Variants in RUNX2 observed in about 807,000 individuals in gnomAD.
The protein encoded by RUNX2 is RUNX family transcription factor 2.
In RUNX2, 10 loss-of-function variants were observed where a neutral mutation model predicts 51.7. The observed-to-expected ratio is 0.19, with a 90% CI of 0.12 to 0.33. The LOEUF is 0.33. Ranked by LOEUF, RUNX2 falls within the 10% of genes least tolerant of loss-of-function variation. The pLI is 1.00. For synonymous variants in RUNX2, 276 were observed against 273.6 expected, an observed-to-expected ratio of 1.01 and a Z score of -0.09; for missense variants, 562 against 691.3, an observed-to-expected ratio of 0.81 and a Z score of 2.10.
intron 2 of RUNX2, among the ~76,000 whole-genome samples, chr6:45,399,170 C>G (rs1797644574): frequency 1.3e-5 from 2 of 151,954 alleles, no homozygotes; most frequent in Admixed American, 1.3e-4. Context: ...TTGTTTCCTC[C>G]TCTCTTCATC....
At chr6:45,433,154 T>A (rs1798590783) in intron 4 of RUNX2, among the ~76,000 whole-genome samples, 1 of 152,170 alleles carries the variant, frequency 6.6e-6, no homozygotes, top group Non-Finnish European at 1.5e-5. Context: ...TTAAAAAAAA[T>A]GATTCATGCT....
intron 2 of RUNX2, among the ~76,000 whole-genome samples, chr6:45,383,223 C>A (rs747894947): frequency 2.6e-5 from 4 of 152,072 alleles, no homozygotes; most frequent in Non-Finnish European, 2.9e-5. Flanking sequence ...TCATTTGAGG[C>A]CGGTTCAAGA....
chr6:45,498,107 G>C (rs1411822531), intron 6 of RUNX2, among the ~76,000 whole-genome samples: 1 of 152,098 alleles, frequency 6.6e-6, no homozygotes, highest in African/African-American at 2.4e-5. Context: ...AGGAAGTAAA[G>C]GCAGCTCTCC....
intron 5 of RUNX2, among the ~76,000 whole-genome samples, chr6:45,440,880 C>G (rs1798824488): frequency 6.6e-6 from 1 of 152,114 alleles, no homozygotes; most frequent in Non-Finnish European, 1.5e-5. Flanking sequence ...TCAAAACTTT[C>G]AGATTTTGGA....
At chr6:45,353,362 C>A (rs1475342332) in intron 2 of RUNX2, among the ~76,000 whole-genome samples, 1 of 151,764 alleles carries the variant, frequency 6.6e-6, no homozygotes, top group Non-Finnish European at 1.5e-5. Context: ...AAAAGTTATG[C>A]GGATGGACTT....
intron 2 of RUNX2, among the ~76,000 whole-genome samples, chr6:45,370,124 T>C (rs894203151): frequency 5.9e-5 from 9 of 152,222 alleles, no homozygotes; most frequent in African/African-American, 9.6e-5. Flanking sequence ...ATATACTATA[T>C]GGAAGCAAGA....
chr6:45,545,312 C>A, intron 8 of RUNX2, 30 bp downstream of exon 8: 1 of 1,545,158 alleles, frequency 6.5e-7, no homozygotes, highest in African/African-American at 1.4e-5. Flanking sequence ...CTGGGCTGGG[C>A]AGGGCTGGGC....
At chr6:45,519,580 ATTCT>A (rs1801434997) in intron 7 of RUNX2, among the ~76,000 whole-genome samples, 1 of 151,738 alleles carries the variant, frequency 6.6e-6, no homozygotes, top group Admixed American at 6.6e-5. Context: ...GCAACCACAG[ATTCT>A]TTTTTTTTAA....
intron 7 of RUNX2, among the ~76,000 whole-genome samples, chr6:45,544,301 A>G (rs1384614787): frequency 6.6e-6 from 1 of 152,168 alleles, no homozygotes; most frequent in Non-Finnish European, 1.5e-5. Context: ...CTATAAACCA[A>G]AAAGGTACAG....
At chr6:45,353,356 G>A (rs1405237330) in intron 2 of RUNX2, among the ~76,000 whole-genome samples, 3 of 151,984 alleles carry the variant, frequency 2.0e-5, no homozygotes, top group Non-Finnish European at 2.9e-5. Flanking sequence ...AAAAAGAAAA[G>A]TTATGCGGAT....
At chr6:45,356,346 G>A (rs190109746) in intron 2 of RUNX2, among the ~76,000 whole-genome samples, 1 of 151,828 alleles carries the variant, frequency 6.6e-6, no homozygotes, top group East Asian at 1.9e-4. Flanking sequence ...ACACATATAT[G>A]TTAATATATG....
chr6:45,337,272 C>T (rs1788766950), intron 2 of RUNX2, among the ~76,000 whole-genome samples: 1 of 151,574 alleles, frequency 6.6e-6, no homozygotes, highest in Non-Finnish European at 1.5e-5. Context: ...TTTCTTTAAC[C>T]ATAAGACTGT....
At chr6:45,388,758 G>T (rs1347020809) in intron 2 of RUNX2, among the ~76,000 whole-genome samples, 1 of 151,958 alleles carries the variant, frequency 6.6e-6, no homozygotes, top group Non-Finnish European at 1.5e-5. Flanking sequence ...TCTAGAAATG[G>T]GTGTCATACA....
rs540888201 is a variant in RUNX2, at chr6:45,409,266, T to A, written c.59-13327T>A. On this transcript the variant is annotated intron_variant, in intron 2 of 8. Transcript: ENST00000647337. ...AGGATCACATGTAAACTATATATCTTCTCTGCACATCCTAAAAGAGTGGGT... is the reference window on the plus strand; with the variant it reads ...AGGATCACATGTAAACTATATATCTACTCTGCACATCCTAAAAGAGTGGGT... Among the ~76,000 whole-genome samples the A allele has an allele frequency of 2.0e-5, 3 of 152,336 alleles. No individual in the cohort carries two copies. In the South Asian group the frequency reaches 6.2e-4, roughly 32 times the overall value.
Position 45,551,033 on chromosome 6 carries a change from T to G in RUNX2, c.*3728T>G, listed in dbSNP as rs1020850970. The G allele has an allele frequency of 6.6e-6, 1 of 152,660 alleles. No homozygotes were observed. The highest frequency in any genetic ancestry group is 2.4e-5 in the African/African-American group (1 of 41,454). The allele number at this position is 152,660 out of a possible 1,614,324, so 9.5% of individuals were successfully genotyped here. A position where few individuals can be genotyped will look rare whatever the true frequency, so the allele number is the denominator to read the frequency against. ...ATTTTTCTCATGATTGTAATATTAA[T>G]TTGAAGTTTGAATTTAATTTTCAAT... On this transcript the variant is annotated 3_prime_UTR_variant, in exon 9 of 9. Coordinates refer to ENST00000647337, the MANE Select transcript of RUNX2 (RefSeq NM_001024630.4).
chr6:45,407,786 C>T (rs1797868705), intron 2 of RUNX2, among the ~76,000 whole-genome samples: 1 of 152,128 alleles, frequency 6.6e-6, no homozygotes, highest in Non-Finnish European at 1.5e-5. Flanking sequence ...AGGCATGAGC[C>T]ACTGTGTCCA....
At chr6:45,331,625 T>C (rs1438166249) in intron 2 of RUNX2, among the ~76,000 whole-genome samples, 3 of 151,980 alleles carry the variant, frequency 2.0e-5, no homozygotes, top group African/African-American at 7.2e-5. Flanking sequence ...ATCCTAATTT[T>C]ACATTACAAA....
At chr6:45,544,104 C>A (rs1260965570) in intron 7 of RUNX2, among the ~76,000 whole-genome samples, 2 of 151,628 alleles carry the variant, frequency 1.3e-5, no homozygotes, top group Non-Finnish European at 2.9e-5. Flanking sequence ...TCCTATAATC[C>A]CTTTCAAGTC....
chr6:45,329,528 T>A (rs946488841), intron 2 of RUNX2, among the ~76,000 whole-genome samples: 17 of 151,926 alleles, frequency 1.1e-4, no homozygotes, highest in African/African-American at 4.1e-4. Context: ...ATCTACACAC[T>A]GTTATCCATA....
Sources: gnomAD v4.1 joint callset for allele counts (sites outside exome capture counted in the v4.1 genomes callset) on GRCh38, gnomAD v4.1.1 for gene constraint, MANE v1.5 for transcripts, NCBI Gene and HGNC (gene_info 2026-07-23, HGNC 2026-07-21) for gene names.